The following PHYHIPL variants were observed in gnomAD, a reference collection of about 807,000 sequenced individuals.
The protein encoded by PHYHIPL is phytanoyl-CoA 2-hydroxylase interacting protein like, also known as phytanoyl-CoA hydroxylase-interacting protein-like.
In PHYHIPL, 9 loss-of-function variants were observed where a neutral mutation model predicts 33.4. The observed-to-expected ratio is 0.27, with a 90% CI of 0.16 to 0.47. PHYHIPL has a LOEUF of 0.47. Ranked by LOEUF, PHYHIPL falls within the 20% of genes least tolerant of loss-of-function variation. PHYHIPL has a pLI of 0.99. For synonymous variants in PHYHIPL, 153 were observed against 154.1 expected (o/e 0.99, Z 0.05); for missense variants, 365 against 460.7 (o/e 0.79, Z 1.90).
At chr10:59,205,342 G>A (rs1245968226) in intron 1 of PHYHIPL, among the ~76,000 whole-genome samples, 1 of 151,952 alleles carries the variant, frequency 6.6e-6, no homozygotes, top group East Asian at 1.9e-4. Flanking sequence ...GACCAAAAGG[G>A]AAGTAGTTGA....
intron 2 of PHYHIPL, 55 bp from the exon 3 acceptor site, chr10:59,236,428 C>G: frequency 8.8e-7 from 1 of 1,137,040 alleles, no homozygotes; most frequent in Admixed American, 2.6e-5. Flanking sequence ...TCACTTCCTT[C>G]GTCCCTCTCT....
At chr10:59,241,549 A>G (rs532510768) in intron 4 of PHYHIPL, among the ~76,000 whole-genome samples, 6 of 152,248 alleles carry the variant, frequency 3.9e-5, no homozygotes, top group Admixed American at 3.9e-4. Flanking sequence ...ATGTGTAGGA[A>G]TTCCTCTACC....
intron 1 of PHYHIPL, among the ~76,000 whole-genome samples, chr10:59,201,390 A>G (rs989117015): frequency 6.6e-6 from 1 of 152,104 alleles, no homozygotes; most frequent in African/African-American, 2.4e-5. Context: ...CTTAATCCTG[A>G]GTTCTAGTTT....
chr10:59,212,992 A>G (rs1839508188), intron 1 of PHYHIPL, among the ~76,000 whole-genome samples: 1 of 152,082 alleles, frequency 6.6e-6, no homozygotes, highest in East Asian at 1.9e-4. Context: ...TCGAGGTGAC[A>G]GTTGGTTAAG....
intron 4 of PHYHIPL, 116 bp downstream of exon 4, chr10:59,238,821 T>C: frequency 3.3e-6 from 2 of 600,894 alleles, no homozygotes; most frequent in South Asian, 2.6e-5. Context: ...CTTTTCAAAA[T>C]AACGATATGG....
At chr10:59,240,608 TAA>T (rs1840365435) in intron 4 of PHYHIPL, among the ~76,000 whole-genome samples, 1 of 152,018 alleles carries the variant, frequency 6.6e-6, no homozygotes, top group South Asian at 2.1e-4. Flanking sequence ...CAAACCATCA[TAA>T]GTCAGGGACT....
Position 59,245,636 on chromosome 10 carries a change from GAGCAT to G in PHYHIPL, c.*46_*50del. 1 of 1,526,238 alleles carries G rather than the reference GAGCAT, an allele frequency of 6.6e-7. No homozygotes were observed. Among genetic ancestry groups the G allele is most frequent in the Non-Finnish European group, 8.8e-7 (1 of 1,137,974 alleles). 94.5% of individuals were successfully genotyped at this position (1,526,238 alleles called of 1,614,324 possible). A position where few individuals can be genotyped will look rare whatever the true frequency, so the allele number is the denominator to read the frequency against. On this transcript the variant is annotated 3_prime_UTR_variant, in exon 5 of 5. Transcript: ENST00000373880. ...TACTCAGCCCCTTTTCCTCCCTTAG[GAGCAT>G]TGGTCCTCTGTTGTCCATTTTTATC...
chr10:59,240,459 G>T (rs1381904271), intron 4 of PHYHIPL, among the ~76,000 whole-genome samples: 2 of 151,646 alleles, frequency 1.3e-5, no homozygotes, highest in African/African-American at 4.8e-5. Context: ...ACTTACGTTA[G>T]CCTACAGTTG....
intron 1 of PHYHIPL, among the ~76,000 whole-genome samples, chr10:59,203,605 A>C (rs1240181596): frequency 4.6e-5 from 7 of 152,120 alleles, no homozygotes. Context: ...TGATGAGTTC[A>C]TGTCCTTTGT....
At chr10:59,176,294 G>C (rs1166167202), upstream of PHYHIPL, among the ~76,000 whole-genome samples, 1 of 152,208 alleles carries the variant, frequency 6.6e-6, no homozygotes, top group Non-Finnish European at 1.5e-5. Flanking sequence ...AGACGCCTCA[G>C]GGCCAACTCG....
intron 4 of PHYHIPL, among the ~76,000 whole-genome samples, chr10:59,238,986 G>T (rs1290986162): frequency 1.3e-5 from 2 of 151,744 alleles, no homozygotes; most frequent in African/African-American, 4.8e-5. Context: ...AGCATTTCAG[G>T]TACACACTCG....
chr10:59,176,106 C>G (rs1838243279), upstream of PHYHIPL, among the ~76,000 whole-genome samples: 1 of 152,216 alleles, frequency 6.6e-6, no homozygotes, highest in Non-Finnish European at 1.5e-5. Context: ...ACAGACGCAG[C>G]TGTTTCCGAG....
intron 1 of PHYHIPL, chr10:59,219,323 T>A: frequency 1.5e-6 from 1 of 674,916 alleles, no homozygotes; most frequent in Non-Finnish European, 1.8e-6. Flanking sequence ...ATATTTATAT[T>A]CTGTGATATG....
At chr10:59,193,869 T>C (rs1338301503) in intron 1 of PHYHIPL, among the ~76,000 whole-genome samples, 1 of 152,106 alleles carries the variant, frequency 6.6e-6, no homozygotes, top group Non-Finnish European at 1.5e-5. Context: ...GAAGCCCTAA[T>C]GACTAAAAAA....
intron 1 of PHYHIPL, among the ~76,000 whole-genome samples, chr10:59,212,063 G>A (rs370086757): frequency 3.3e-5 from 5 of 152,174 alleles, no homozygotes; most frequent in African/African-American, 9.6e-5. Context: ...TATTTTGGGA[G>A]TGGGACTGTT....
chr10:59,200,995 T>C (rs1438258134), intron 1 of PHYHIPL, among the ~76,000 whole-genome samples: 2 of 152,166 alleles, frequency 1.3e-5, no homozygotes, highest in Non-Finnish European at 2.9e-5. Context: ...TTGTTGATCT[T>C]TTCAAAAAAC....
intron 4 of PHYHIPL, among the ~76,000 whole-genome samples, chr10:59,240,003 C>T (rs1840342663): frequency 6.6e-6 from 1 of 152,016 alleles, no homozygotes; most frequent in African/African-American, 2.4e-5. Context: ...CAACAGGAAT[C>T]AGAGAGAGAA....
chr10:59,216,273 C>T (rs890565326), intron 1 of PHYHIPL, among the ~76,000 whole-genome samples: 1 of 151,980 alleles, frequency 6.6e-6, no homozygotes, highest in Non-Finnish European at 1.5e-5. Context: ...GGCACTCACA[C>T]TGAATTTCAG....
chr10:59,187,984 T>G (rs933368264), intron 1 of PHYHIPL, among the ~76,000 whole-genome samples: 1 of 152,198 alleles, frequency 6.6e-6, no homozygotes, highest in Admixed American at 6.6e-5. Flanking sequence ...GCTCTGATCT[T>G]AGTTATTTCT....
Sources: gnomAD v4.1 joint callset for allele counts (sites outside exome capture counted in the v4.1 genomes callset) on GRCh38, gnomAD v4.1.1 for gene constraint, MANE v1.5 for transcripts, NCBI Gene and HGNC (gene_info 2026-07-23, HGNC 2026-07-21) for gene names.